The following SVIL variants were observed in gnomAD, a reference collection of about 807,000 sequenced individuals.
SVIL encodes the protein supervillin.
SVIL carries 101 observed loss-of-function variants against 240.4 expected under a neutral mutation model. The observed-to-expected ratio is 0.42, with a 90% CI of 0.36 to 0.50. SVIL has a LOEUF of 0.50. SVIL is among the 20% of genes least tolerant of loss of function. The pLI is 0.01. For missense variants in SVIL, 2,512 were observed against 2,818.7 expected (o/e 0.89, Z 2.46); for synonymous variants, 999 against 1,100.0 (o/e 0.91, Z 1.82).
At chr10:29,502,903 G>T (rs114072788) in intron 17 of SVIL, among the ~76,000 whole-genome samples, 77 of 152,198 alleles carry the variant, frequency 5.1e-4, no homozygotes, top group African/African-American at 1.6e-3. Flanking sequence ...TGTTTCTCAC[G>T]CAGGGATGTG....
At chr10:29,466,147 T>A (rs1944884487) in intron 33 of SVIL, among the ~76,000 whole-genome samples, 1 of 151,920 alleles carries the variant, frequency 6.6e-6, no homozygotes, top group African/African-American at 2.4e-5. Context: ...GGCTAAAAAA[T>A]ATATATAGAT....
intron 1 of SVIL, among the ~76,000 whole-genome samples, chr10:29,703,704 A>G (rs1962686240): frequency 6.6e-6 from 1 of 152,198 alleles, no homozygotes. Context: ...GGTGTTTCTC[A>G]TCCCAAATGG....
At chr10:29,584,186 T>G (rs1174302827) in intron 1 of SVIL, among the ~76,000 whole-genome samples, 3 of 152,066 alleles carry the variant, frequency 2.0e-5, no homozygotes, top group Admixed American at 2.0e-4. Context: ...GAGCGGACAG[T>G]GTGGGAGCTG....
rs187861877 is a variant in SVIL, at chr10:29,632,544, G to A, written c.-201+1876C>T. Among the ~76,000 whole-genome samples the A allele has an allele frequency of 2.0e-5, 3 of 151,780 alleles. No individual in the cohort carries two copies. In the East Asian group the frequency reaches 5.8e-4, roughly 29 times the overall value. Reference sequence around the variant, plus strand: ...AGAATACTATATAACCCCAGGTGTTGCCAAAGATGTTCACTCTGAATTGAA... The same window carrying A: ...AGAATACTATATAACCCCAGGTGTTACCAAAGATGTTCACTCTGAATTGAA... On this transcript the variant is annotated intron_variant, in intron 1 of 37. Transcript: ENST00000355867.
Position 29,620,676 on chromosome 10 carries a change from T to C in SVIL, c.-201+13744A>G, listed in dbSNP as rs185389612. 3.0e-3 allele frequency among the ~76,000 whole-genome samples: 459 copies of C among 152,320 alleles called. 5 individuals carry two copies. Among genetic ancestry groups the C allele is most frequent in the African/African-American group, 0.011 (439 of 41,576 alleles). ...GAGTCTCACCCAGGCTGGAGTACAA[T>C]GGCACGATCTCAGCTCACTGCAAAC... On this transcript the variant is annotated intron_variant, in intron 1 of 37. Transcript: ENST00000355867.
intron 1 of SVIL, among the ~76,000 whole-genome samples, chr10:29,627,350 C>G (rs999805252): frequency 1.3e-5 from 2 of 152,098 alleles, no homozygotes; most frequent in Non-Finnish European, 2.9e-5. Flanking sequence ...TAGTCCAACC[C>G]TTGTTTGAAT....
At chr10:29,678,363 C>T (rs1369828250) in intron 2 of SVIL, among the ~76,000 whole-genome samples, 1 of 152,000 alleles carries the variant, frequency 6.6e-6, no homozygotes, top group Non-Finnish European at 1.5e-5. Context: ...CTAGCTCCCT[C>T]AAATGCGCAG....
At chr10:29,574,167 G>A (rs1022945301) in intron 1 of SVIL, among the ~76,000 whole-genome samples, 1 of 152,172 alleles carries the variant, frequency 6.6e-6, no homozygotes, top group Non-Finnish European at 1.5e-5. Flanking sequence ...CTTTATGGAA[G>A]TACAATATTT....
At position 29,504,971 on chromosome 10, in the gene SVIL, T is replaced by A. The variant is rs115815812; in HGVS notation, c.3517-5708A>T. Among the ~76,000 whole-genome samples, 541 of 152,226 alleles carry A rather than the reference T, an allele frequency of 3.6e-3. 3 individuals are homozygous for A. The highest frequency in any genetic ancestry group is 0.012 in the African/African-American group (517 of 41,538). ...GTCCTCCAGTAGATTAATAGACAAA[T>A]AAACTGTGGCACGTTCAGATAATGA... On this transcript the variant is annotated intron_variant, in intron 17 of 37. Coordinates refer to ENST00000355867, the MANE Select transcript of SVIL (RefSeq NM_021738.3).
At chr10:29,507,873 G>A (rs1949498603) in intron 17 of SVIL, 6 of 709,742 alleles carry the variant, frequency 8.5e-6, no homozygotes, top group Non-Finnish European at 1.0e-5. Context: ...GAGCGGGGCC[G>A]GGCAGGGACA....
At chr10:29,541,716 G>T (rs1952174575) in intron 6 of SVIL, among the ~76,000 whole-genome samples, 1 of 152,286 alleles carries the variant, frequency 6.6e-6, no homozygotes, top group Non-Finnish European at 1.5e-5. Context: ...CTCATCTCCT[G>T]ATTGGAACCA....
At chr10:29,708,854 C>A (rs970102431) in intron 1 of SVIL, among the ~76,000 whole-genome samples, 8 of 151,678 alleles carry the variant, frequency 5.3e-5, no homozygotes, top group African/African-American at 1.9e-4. Flanking sequence ...ACAAAACAGC[C>A]AATAGAACAA....
intron 18 of SVIL, among the ~76,000 whole-genome samples, chr10:29,497,899 T>C (rs148843500): frequency 0.033 from 4,746 of 144,314 alleles, 188 homozygotes; most frequent in African/African-American, 0.11. Flanking sequence ...CTGGCAAACA[T>C]GGCAAAACCC....
At chr10:29,469,495 G>A (rs572245169) in intron 32 of SVIL, among the ~76,000 whole-genome samples, 7 of 152,330 alleles carry the variant, frequency 4.6e-5, no homozygotes, top group African/African-American at 1.7e-4. Context: ...GTTGCCTCCT[G>A]AATGCCTGGG....
intron 3 of SVIL, chr10:29,644,053 G>T: frequency 1.9e-6 from 1 of 516,266 alleles, no homozygotes; most frequent in South Asian, 1.4e-5. Context: ...GACATGCTCC[G>T]TTTGGGCCAC....
chr10:29,533,256 C>T lies in SVIL; in HGVS notation c.1111G>A (p.Ala371Thr), dbSNP rs550439701. 1.3e-5 allele frequency: 21 copies of T among 1,613,930 alleles called. No individual in the cohort carries two copies. Among genetic ancestry groups the T allele is most frequent in the South Asian group, 6.6e-5 (6 of 91,072 alleles). ...AGCTTGGCGGTGTGACCGGTATCTG[C>T]GGGTTGGACATAGCCACGGATTGGC... ...RQPIRGYVQP[A>T]DTGHTAKLVT... is the part of the protein sequence containing the mutation. The change falls in exon 8 of 38, where the codon GCA becomes ACA. Residue 371 changes from alanine to threonine, a missense_variant. Transcript: ENST00000355867.
At chr10:29,718,304 C>A (rs1426030054) in intron 1 of SVIL, among the ~76,000 whole-genome samples, 2 of 149,536 alleles carry the variant, frequency 1.3e-5, no homozygotes, top group African/African-American at 5.0e-5. Flanking sequence ...CCAGCCTGGG[C>A]AACAGAGCAA....
chr10:29,733,163 AG>A (rs1479463085), intron 1 of SVIL, among the ~76,000 whole-genome samples: 1 of 152,204 alleles, frequency 6.6e-6, no homozygotes, highest in Non-Finnish European at 1.5e-5. Context: ...TCTCTGGATG[AG>A]GGGAGGAAGG....
chr10:29,506,798 G>A (rs1406691827), intron 17 of SVIL, among the ~76,000 whole-genome samples: 3 of 144,252 alleles, frequency 2.1e-5, no homozygotes, highest in Non-Finnish European at 4.6e-5. Context: ...CCCTATGAGG[G>A]AGGGGACAGA....
Sources: allele counts gnomAD v4.1 joint callset (sites outside exome capture counted in the v4.1 genomes callset), GRCh38; gene constraint gnomAD v4.1.1; transcripts MANE v1.5; gene names NCBI Gene and HGNC (gene_info 2026-07-23, HGNC 2026-07-21).